Variants in GRK4 observed in about 807,000 individuals in gnomAD.
GRK4 encodes G protein-coupled receptor kinase 2-like.
A neutral mutation model predicts 77.9 loss-of-function variants in GRK4; 73 were observed. The ratio of observed to expected loss-of-function variants is 0.94; its 90% CI spans 0.78 to 1.14. GRK4 has a LOEUF of 1.14. GRK4 is among the 50% of genes most tolerant of loss of function. The pLI is 0.00. For missense variants in GRK4, 729 were observed against 700.2 expected (o/e 1.04, Z -0.46); for synonymous variants, 257 against 254.4 (o/e 1.01, Z -0.10).
chr4:2,974,596 G>C (rs1239433622), intron 1 of GRK4, among the ~76,000 whole-genome samples: 1 of 152,256 alleles, frequency 6.6e-6, no homozygotes, highest in Admixed American at 6.5e-5. Context: ...ATGGAGGAAA[G>C]TACTTAGCTC....
chr4:3,000,211 C>A (rs1729116033), intron 4 of GRK4, among the ~76,000 whole-genome samples: 1 of 152,152 alleles, frequency 6.6e-6, no homozygotes, highest in Non-Finnish European at 1.5e-5. Context: ...CCTTACCTTG[C>A]CATACTTCAG....
At chr4:2,973,338 A>G (rs1233135223) in intron 1 of GRK4, among the ~76,000 whole-genome samples, 3 of 151,988 alleles carry the variant, frequency 2.0e-5, no homozygotes, top group Non-Finnish European at 1.5e-5. Flanking sequence ...CGCCTTCTCT[A>G]TCCACACTCA....
intron 10 of GRK4, among the ~76,000 whole-genome samples, chr4:3,023,289 G>T (rs924603845): frequency 6.6e-6 from 1 of 152,174 alleles, no homozygotes; most frequent in African/African-American, 2.4e-5. Flanking sequence ...ATGCAAGGAT[G>T]GTTGCACTGC....
At chr4:3,007,990 G>A (rs1731802776) in intron 6 of GRK4, among the ~76,000 whole-genome samples, 162 bp downstream of exon 6, 1 of 152,018 alleles carries the variant, frequency 6.6e-6, no homozygotes, top group Admixed American at 6.6e-5. Context: ...CTCCAACCTG[G>A]GCAATGTAGC....
chr4:2,965,152 C>T lies in GRK4; in HGVS notation c.52+1030C>T, dbSNP rs559802622. On this transcript the variant is annotated intron_variant, in intron 1 of 15. Coordinates refer to ENST00000398052, the MANE Select transcript of GRK4 (RefSeq NM_182982.3). ...ATAAAAATCCTGCTTAGTCTTTGTT[C>T]AAGGCTCAGCTTTTTGGATGTGAAT... The T allele has an allele frequency of 8.3e-5, 52 of 629,276 alleles. No individual in the cohort carries two copies. The Admixed American group carries it at 1.2e-3, about 14-fold the overall frequency. The allele number at this position is 629,276 out of a possible 1,614,324, so 39.0% of individuals were successfully genotyped here. A position where few individuals can be genotyped will look rare whatever the true frequency, so the allele number is the denominator to read the frequency against.
chr4:3,014,556 G>A (rs1733905589), intron 8 of GRK4, among the ~76,000 whole-genome samples: 2 of 152,014 alleles, frequency 1.3e-5, no homozygotes, highest in Non-Finnish European at 2.9e-5. Flanking sequence ...CACTTAGGGA[G>A]GCCAAGGAGG....
intron 7 of GRK4, among the ~76,000 whole-genome samples, chr4:3,011,147 A>G (rs1418670469): frequency 6.6e-6 from 1 of 152,198 alleles, no homozygotes; most frequent in Non-Finnish European, 1.5e-5. Context: ...ATTTTGTGAA[A>G]GAACAGAGGA....
intron 1 of GRK4, among the ~76,000 whole-genome samples, chr4:2,973,389 C>T (rs890799284): frequency 5.3e-5 from 8 of 152,156 alleles, no homozygotes; most frequent in Non-Finnish European, 5.9e-5. Flanking sequence ...GAAAGAAGCT[C>T]CTGTCACCAG....
In GRK4 at chr4:2,988,827, C is replaced by T; in HGVS notation, c.249C>T (p.Phe83=). ...TKPTLKRHIE[F]LDAVAEYEVA... is the part of the protein sequence containing the mutation. ...CCACTCTAAAGAGGCACATTGAATT[C>T]TTGGATGCAGTGGTGAGCAGTTTAT... Residue 83 remains phenylalanine, a synonymous_variant, in exon 3 of 16, where the codon TTC becomes TTT. Coordinates refer to ENST00000398052, the MANE Select transcript of GRK4 (RefSeq NM_182982.3). 3.8e-6 allele frequency: 6 copies of T among 1,598,006 alleles called. No homozygotes were observed. Among genetic ancestry groups the T allele is most frequent in the Non-Finnish European group, 5.1e-6 (6 of 1,165,502 alleles).
At chr4:3,034,410 T>C (rs1267396762) in intron 12 of GRK4, among the ~76,000 whole-genome samples, 1 of 152,214 alleles carries the variant, frequency 6.6e-6, no homozygotes, top group Non-Finnish European at 1.5e-5. Flanking sequence ...ACTCTGCCGC[T>C]ATAGTGGAAA....
chr4:2,976,939 G>A (rs529255371), intron 1 of GRK4, among the ~76,000 whole-genome samples: 5 of 152,124 alleles, frequency 3.3e-5, no homozygotes, highest in Admixed American at 6.5e-5. Flanking sequence ...GCACCCGGCC[G>A]AATTTTCTTT....
intron 11 of GRK4, among the ~76,000 whole-genome samples, chr4:3,028,220 A>C (rs972277351): frequency 6.6e-6 from 1 of 152,140 alleles, no homozygotes; most frequent in Non-Finnish European, 1.5e-5. Context: ...GAGGCCTGAG[A>C]GGTTGTGAGT....
At chr4:3,031,067 G>T (rs1341759282) in intron 12 of GRK4, among the ~76,000 whole-genome samples, 2 of 152,124 alleles carry the variant, frequency 1.3e-5, no homozygotes, top group Admixed American at 6.5e-5. Context: ...AAGGCAGGTG[G>T]TGGAGAAGAC....
At chr4:3,040,534 A>G (rs758965256) in intron 15 of GRK4, 38 bp from the exon 16 acceptor site, 12 of 1,580,982 alleles carry the variant, frequency 7.6e-6, no homozygotes, top group Non-Finnish European at 1.0e-5. Flanking sequence ...AAACCTTCGC[A>G]TCAGCCGTGT....
chr4:3,032,422 C>T (rs963017646), intron 12 of GRK4, among the ~76,000 whole-genome samples: 2 of 151,518 alleles, frequency 1.3e-5, no homozygotes, highest in Admixed American at 1.3e-4. Context: ...GACTCCGTCT[C>T]AAAAAAGAAA....
intron 4 of GRK4, among the ~76,000 whole-genome samples, chr4:2,998,384 A>G (rs559126122): frequency 6.6e-6 from 1 of 152,182 alleles, no homozygotes; most frequent in East Asian, 1.9e-4. Context: ...AAAGGTATTT[A>G]GATTGTAAAG....
At chr4:3,000,322 T>C (rs1348426108) in intron 4 of GRK4, among the ~76,000 whole-genome samples, 2 of 152,194 alleles carry the variant, frequency 1.3e-5, no homozygotes, top group African/African-American at 2.4e-5. Flanking sequence ...TTCTATGATA[T>C]AGAAAATGGG....
rs1730662977 is a variant in GRK4 at position 3,004,255 on chromosome 4, C to A, written c.364C>A (p.Pro122Thr). 2.5e-6 allele frequency: 4 copies of A among 1,613,458 alleles called. No homozygotes were observed. In the South Asian group the frequency reaches 3.3e-5, roughly 13 times the overall value. ...DKLAAPLPEI[P>T]PDVVTECRLG... ...GTTGGCAGCCCCTTTACCAGAAATACCTCCAGATGTTGTGACAGAATGTAG... is the reference window on the plus strand; with the variant it reads ...GTTGGCAGCCCCTTTACCAGAAATAACTCCAGATGTTGTGACAGAATGTAG... The change falls in exon 5 of 16, where the codon CCT (proline) becomes ACT (threonine). Residue 122 changes from proline (P) to threonine (T), a missense_variant. Pro to Thr is a conservative substitution (Grantham distance 38). Coordinates refer to ENST00000398052, the MANE Select transcript of GRK4 (RefSeq NM_182982.3).
intron 1 of GRK4, among the ~76,000 whole-genome samples, chr4:2,972,459 A>G (rs1719849581): frequency 6.6e-6 from 1 of 152,122 alleles, no homozygotes; most frequent in Non-Finnish European, 1.5e-5. Flanking sequence ...GACTTTTGGA[A>G]CTGAGGACAG....
Sources: allele counts gnomAD v4.1 joint callset (sites outside exome capture counted in the v4.1 genomes callset), GRCh38; gene constraint gnomAD v4.1.1; transcripts MANE v1.5; gene names NCBI Gene and HGNC (gene_info 2026-07-23, HGNC 2026-07-21).